The following SPINT1 variants were observed in gnomAD, a reference collection of about 807,000 sequenced individuals.
SPINT1 encodes the protein serine peptidase inhibitor, Kunitz type 1.
Under a neutral mutation model 53.7 loss-of-function variants are expected in SPINT1, and 38 were observed. The observed-to-expected ratio is 0.71, with a 90% CI of 0.55 to 0.93. SPINT1 has a LOEUF of 0.93. Ranked by LOEUF, SPINT1 falls within the 40% of genes least tolerant of loss-of-function variation. The probability of loss-of-function intolerance (pLI) is 0.00; values close to 1 mark genes in which losing one functional copy is unlikely to be tolerated. For missense variants in SPINT1, 645 were observed against 692.9 expected (o/e 0.93, Z 0.78); for synonymous variants, 283 against 280.6 (o/e 1.01, Z -0.08).
At chr15:40,856,094 T>C in intron 9 of SPINT1, 32 bp downstream of exon 9, 3 of 1,611,926 alleles carry the variant, frequency 1.9e-6, no homozygotes, top group Non-Finnish European at 2.5e-6. Flanking sequence ...TGGGCATGTA[T>C]GGGGGAAGGC....
chr15:40,856,319 C>A lies in SPINT1; in HGVS notation c.1332C>A (p.Ser444Arg), dbSNP rs1417941985. 6.2e-7 allele frequency: 1 copy of A among 1,614,150 alleles called. No individual in the cohort carries two copies. The highest frequency in any genetic ancestry group is 1.3e-5 in the African/African-American group (1 of 75,032). Residue 444 changes from serine (S) to arginine (R), a missense_variant, in exon 10 of 11, where the codon AGC becomes AGA. Coordinates refer to ENST00000562057, the MANE Select transcript of SPINT1 (RefSeq NM_003710.4). ...FGLRREIPIP[S>R]TGSVEMAVAV... ...TGAGGCGGGAAATCCCCATTCCCAG[C>A]ACAGGTAAGCCCTGATCTGTCCTGT...
intron 2 of SPINT1, among the ~76,000 whole-genome samples, chr15:40,851,504 C>T (rs558537362): frequency 6.6e-6 from 1 of 151,346 alleles, no homozygotes; most frequent in Non-Finnish European, 1.5e-5. Flanking sequence ...CAAACAAGAA[C>T]AAAAACAAAA....
chr15:40,844,674 G>A lies in SPINT1; in HGVS notation c.120G>A (p.Ala40=). ...GCACCCAGGCCGGGCCACCGCCCGC[G>A]CCCCCTGGGCTGCCCGCGGGAGCCG... is the stretch of plus-strand genomic sequence containing the variant. The part of the protein sequence containing the change: ...LQGTQAGPPP[A]PPGLPAGADC... The change falls in exon 2 of 11, where the codon GCG becomes GCA. Residue 40 remains alanine (A), a synonymous_variant. Coordinates refer to ENST00000562057, the MANE Select transcript of SPINT1 (RefSeq NM_003710.4). The surrounding 1 kb of genome is among the most constrained non-coding windows in gnomAD (Gnocchi z 5.8). 2 of 1,604,982 alleles carry A rather than the reference G, an allele frequency of 1.2e-6. No individual in the cohort carries two copies. The highest frequency in any genetic ancestry group is 1.3e-5 in the African/African-American group (1 of 74,604).
At position 40,853,897 on chromosome 15, in the gene SPINT1, G is replaced by A; in HGVS notation, c.913+16G>A. ...GGTGTGCAAGGTGGGCCTTTGAGAG[G>A]CAGCTCTGGGGCTCAGGCGACTTTC... On this transcript the variant is annotated intron_variant, in intron 5 of 10. Coordinates refer to ENST00000562057, the MANE Select transcript of SPINT1 (RefSeq NM_003710.4). The A allele has an allele frequency of 1.2e-6, 2 of 1,614,148 alleles. No homozygotes were observed. The highest frequency in any genetic ancestry group is 8.5e-7 in the Non-Finnish European group (1 of 1,180,018).
At position 40,844,627 on chromosome 15, in the gene SPINT1, C is replaced by A. The variant is rs1410186008; in HGVS notation, c.73C>A (p.Leu25Met). 5.0e-6 allele frequency: 8 copies of A among 1,608,196 alleles called. No individual in the cohort carries two copies. The highest frequency in any genetic ancestry group is 1.1e-5 in the South Asian group (1 of 90,804). The change falls in exon 2 of 11, where the codon CTG becomes ATG. Residue 25 changes from leucine to methionine, a missense_variant. By Grantham distance (15) the Leu-to-Met change is conservative. Transcript: ENST00000562057. This position sits in a 1 kb window ranked among gnomAD's most constrained non-coding sequence, Gnocchi z 5.8. Reference protein sequence around the residue: ...AGIPAVALWLLCTLGLQGTQA... With the variant: ...AGIPAVALWLMCTLGLQGTQA... ...CATCCCTGCCGTCGCCTTGTGGCTT[C>A]TGTGCACGCTCGGCCTCCAGGGCAC... is the stretch of plus-strand genomic sequence containing the variant.
At chr15:40,851,835 A>G (rs1891466291) in intron 2 of SPINT1, among the ~76,000 whole-genome samples, 1 of 152,210 alleles carries the variant, frequency 6.6e-6, no homozygotes, top group Non-Finnish European at 1.5e-5. Flanking sequence ...AGCCAGGCCC[A>G]TGTGGTGAAA....
chr15:40,847,877 A>G (rs540578921), intron 2 of SPINT1, among the ~76,000 whole-genome samples: 8 of 152,212 alleles, frequency 5.3e-5, no homozygotes, highest in Admixed American at 2.6e-4. Flanking sequence ...ACTGCTAAGT[A>G]GTCTGTCTTC....
intron 8 of SPINT1, among the ~76,000 whole-genome samples, chr15:40,855,249 C>T (rs1476000773): frequency 2.6e-5 from 4 of 152,126 alleles, no homozygotes; most frequent in Admixed American, 2.6e-4. Context: ...GATGTGGTTG[C>T]GCGTTCCTGT....
rs768600133 is a variant in SPINT1 at position 40,854,388 on chromosome 15, C to T, written c.941-9C>T. The stretch of plus-strand genomic sequence containing the variant: ...TTGCTTGAGCCTGACCTCCCTTCCA[C>T]CCGTCCAGTGTGCTCTGGCACCTGT... On this transcript the variant is annotated splice_polypyrimidine_tract_variant and intron_variant, in intron 6 of 10. Transcript: ENST00000562057. The T allele has an allele frequency of 6.5e-7, 1 of 1,548,952 alleles. No individual in the cohort carries two copies. The highest frequency in any genetic ancestry group is 2.3e-5 in the East Asian group (1 of 44,368).
At chr15:40,850,821 A>G (rs1172284872) in intron 2 of SPINT1, among the ~76,000 whole-genome samples, 4 of 152,128 alleles carry the variant, frequency 2.6e-5, no homozygotes, top group Non-Finnish European at 5.9e-5. Context: ...AATGCTTCCA[A>G]ACAGATGGGA....
At position 40,856,792 on chromosome 15, in the gene SPINT1, A is replaced by G. The variant is rs1891655712; in HGVS notation, c.1359A>G (p.Ala453=). The G allele has an allele frequency of 1.9e-6, 3 of 1,613,996 alleles. No homozygotes were observed. The highest frequency in any genetic ancestry group is 1.7e-6 in the Non-Finnish European group (2 of 1,180,024). Residue 453 remains alanine (A), a synonymous_variant, in exon 11 of 11, where the codon GCA becomes GCG. Transcript: ENST00000562057. The part of the protein sequence containing the change: ...PSTGSVEMAV[A]VFLVICIVVV... ...CAGGCTCTGTGGAGATGGCTGTCGC[A>G]GTGTTCCTGGTCATCTGCATTGTGG...
intron 2 of SPINT1, 125 bp downstream of exon 2, chr15:40,845,154 T>A: frequency 1.2e-6 from 1 of 830,086 alleles, no homozygotes; most frequent in Non-Finnish European, 1.8e-6. Flanking sequence ...TCTTTTTCTT[T>A]CTTTTTTTTT....
At chr15:40,855,158 A>G (rs1891595287) in intron 8 of SPINT1, among the ~76,000 whole-genome samples, 1 of 152,030 alleles carries the variant, frequency 6.6e-6, no homozygotes, top group Non-Finnish European at 1.5e-5. Context: ...AGGCTGGCAG[A>G]TTGCTTGAGC....
intron 2 of SPINT1, among the ~76,000 whole-genome samples, chr15:40,851,442 C>T (rs368522046): frequency 6.0e-4 from 92 of 152,258 alleles, no homozygotes; most frequent in African/African-American, 1.7e-3. Context: ...TGAGCCACCG[C>T]GCCCAGCTGT....
intron 7 of SPINT1, 35 bp from the exon 8 acceptor site, chr15:40,854,604 G>C: frequency 6.2e-7 from 1 of 1,614,202 alleles, no homozygotes; most frequent in South Asian, 1.1e-5. Flanking sequence ...GGAGACCCTT[G>C]TTGGGTCTGA....
chr15:40,846,274 C>G (rs1891293474), intron 2 of SPINT1, among the ~76,000 whole-genome samples: 1 of 152,166 alleles, frequency 6.6e-6, no homozygotes, highest in Non-Finnish European at 1.5e-5. Flanking sequence ...TTGGTTCCCC[C>G]TTTCTCTCTA....
Position 40,844,055 on chromosome 15 carries a change from C to CCAGAA in SPINT1, c.-196_-192dup, listed in dbSNP as rs1188574689. 2.3e-6 allele frequency: 1 copy of CCAGAA among 426,650 alleles called. No homozygotes were observed. The highest frequency in any genetic ancestry group is 1.6e-5 in the South Asian group (1 of 62,104). 26.4% of individuals were successfully genotyped at this position (426,650 alleles called of 1,614,324 possible). On this transcript the variant is annotated 5_prime_UTR_variant, in exon 1 of 11. Coordinates refer to ENST00000562057, the MANE Select transcript of SPINT1 (RefSeq NM_003710.4). This position sits in a 1 kb window ranked among gnomAD's most constrained non-coding sequence, Gnocchi z 5.8. ...CCCCGACGGCGCTGACTCAGTTTCA[C>CCAGAA]CAGAAACCAGGGGGAGAAGGCGGCC...
At position 40,853,190 on chromosome 15, in the gene SPINT1, T is replaced by C; in HGVS notation, c.542T>C (p.Leu181Pro). The change falls in exon 3 of 11, where the codon CTG becomes CCG. Residue 181 changes from leucine (L) to proline (P), a missense_variant. Leu to Pro is a moderately conservative substitution (Grantham distance 98). Coordinates refer to ENST00000562057, the MANE Select transcript of SPINT1 (RefSeq NM_003710.4). ...LKVQPQEPLVLKDVENTDWRL... is the reference protein window; with the variant it reads ...LKVQPQEPLVPKDVENTDWRL... ...GTACAACCCCAGGAACCCCTGGTGC[T>C]GAAGGATGTGGAAAACACAGATTGG... 2 of 1,614,200 alleles carry C rather than the reference T, an allele frequency of 1.2e-6. No homozygotes were observed. The highest frequency in any genetic ancestry group is 8.5e-7 in the Non-Finnish European group (1 of 1,180,024).
At chr15:40,856,252 G>A in intron 9 of SPINT1, 24 bp from the exon 10 acceptor site, 1 of 1,614,038 alleles carries the variant, frequency 6.2e-7, no homozygotes, top group Non-Finnish European at 8.5e-7. Context: ...GTACTGACTG[G>A]TCTTTCCCCT....
Sources: gnomAD v4.1 joint callset for allele counts (sites outside exome capture counted in the v4.1 genomes callset) on GRCh38, gnomAD v4.1.1 for gene constraint, Gnocchi (gnomAD v3.1) non-coding constraint, MANE v1.5 for transcripts, NCBI Gene and HGNC (gene_info 2026-07-23, HGNC 2026-07-21) for gene names.